GOLPH3L: variants seen among roughly 807,000 people sequenced by gnomAD.
GOLPH3L encodes the protein golgi phosphoprotein 3 like.
GOLPH3L carries 22 observed loss-of-function variants against 30.3 expected under a neutral mutation model. The ratio of observed to expected loss-of-function variants is 0.73; its 90% CI spans 0.52 to 1.04. The LOEUF is 1.04. Ranked by LOEUF, GOLPH3L falls within the 50% of genes least tolerant of loss-of-function variation. The pLI, the probability that GOLPH3L is intolerant of heterozygous loss-of-function variation, is 0.00. For missense variants in GOLPH3L, 303 were observed against 345.8 expected (o/e 0.88, Z 0.98); for synonymous variants, 120 against 128.2 (o/e 0.94, Z 0.43).
In GOLPH3L at chr1:150,674,228, AT is replaced by A. The variant is rs1650716266; in HGVS notation, c.184-10466del. ...GTTAATAAGAGCAAAATAAACTATC[AT>A]TAGAGTGAACAGGTAACCTACAGAG... is the stretch of plus-strand genomic sequence containing the variant. On this transcript the variant is annotated intron_variant, in intron 2 of 4. Transcript: ENST00000271732. 2.0e-5 allele frequency among the ~76,000 whole-genome samples: 3 copies of A among 151,748 alleles called. No homozygotes were observed. The South Asian group carries it at 6.2e-4, about 32-fold the overall frequency.
chr1:150,655,187 A>G lies in GOLPH3L; in HGVS notation c.431-6439T>C, dbSNP rs587632763. Among the ~76,000 whole-genome samples the G allele has an allele frequency of 2.0e-3, 304 of 152,340 alleles. 1 individual carries two copies. The highest frequency in any genetic ancestry group is 3.5e-3 in the Non-Finnish European group (239 of 68,030). On this transcript the variant is annotated intron_variant, in intron 4 of 4. Transcript: ENST00000271732. Reference sequence around the variant, plus strand: ...AGAAATTTAAAGGTTTGGTAGCTATAGGAGCAGACATTTCAATCATTTCTC... The same window carrying G: ...AGAAATTTAAAGGTTTGGTAGCTATGGGAGCAGACATTTCAATCATTTCTC...
At chr1:150,662,269 T>C (rs756924631) in intron 3 of GOLPH3L, among the ~76,000 whole-genome samples, 2 of 152,054 alleles carry the variant, frequency 1.3e-5, no homozygotes, top group African/African-American at 4.8e-5. Flanking sequence ...CTTAGCACTT[T>C]GGGAGGCTGA....
At chr1:150,662,627 GA>G (rs587608857) in intron 3 of GOLPH3L, among the ~76,000 whole-genome samples, 134 of 152,278 alleles carry the variant, frequency 8.8e-4, no homozygotes, top group African/African-American at 2.7e-3. Context: ...TGAAAGGACA[GA>G]AGATCACTCA....
intron 2 of GOLPH3L, among the ~76,000 whole-genome samples, chr1:150,692,164 A>G (rs144578813): frequency 6.6e-6 from 1 of 152,180 alleles, no homozygotes; most frequent in African/African-American, 2.4e-5. Flanking sequence ...TAAGAAAAAA[A>G]TAAGTACAGT....
intron 4 of GOLPH3L, among the ~76,000 whole-genome samples, chr1:150,653,455 C>CTTTT (rs71086589): frequency 1.6e-5 from 1 of 62,636 alleles, no homozygotes; most frequent in African/African-American, 5.7e-5. Context: ...TTGAAAGCAA[C>CTTTT]TTTTTTTTTT....
At chr1:150,654,512 A>C (rs913639748) in intron 4 of GOLPH3L, among the ~76,000 whole-genome samples, 2 of 152,256 alleles carry the variant, frequency 1.3e-5, no homozygotes, top group Admixed American at 6.5e-5. Context: ...CCGTTTAAAA[A>C]AAAAAAACAA....
At chr1:150,674,615 C>T (rs1001684499) in intron 2 of GOLPH3L, among the ~76,000 whole-genome samples, 1 of 151,878 alleles carries the variant, frequency 6.6e-6, no homozygotes, top group Admixed American at 6.6e-5. Context: ...TGGCTCCTAC[C>T]TATAATCCCA....
chr1:150,661,883 C>T lies in GOLPH3L; in HGVS notation c.361G>A (p.Glu121Lys). ...GTTGCTTTGATGTGTTTCAGAGTTT[C>T]ATCCAGTAAAACATCACCTGTTGGG... Reference protein sequence around the residue: ...DSPTGDVLLDETLKHIKATEP... With the variant: ...DSPTGDVLLDKTLKHIKATEP... Residue 121 changes from glutamate (E) to lysine (K), a missense_variant, in exon 4 of 5, where the codon GAA (glutamate) becomes AAA (lysine). By Grantham distance (56) the Glu-to-Lys change is moderately conservative (BLOSUM62 1). Transcript: ENST00000271732. The T allele has an allele frequency of 6.2e-7, 1 of 1,601,804 alleles. No individual in the cohort carries two copies. The highest frequency in any genetic ancestry group is 8.6e-7 in the Non-Finnish European group (1 of 1,168,708).
At chr1:150,662,491 C>G (rs1286798504) in intron 3 of GOLPH3L, among the ~76,000 whole-genome samples, 2 of 152,024 alleles carry the variant, frequency 1.3e-5, no homozygotes, top group Non-Finnish European at 2.9e-5. Context: ...TATGGGATAG[C>G]CAAGTTGAAA....
At chr1:150,650,740 G>T (rs888094496) in intron 4 of GOLPH3L, among the ~76,000 whole-genome samples, 6 of 152,194 alleles carry the variant, frequency 3.9e-5, no homozygotes, top group African/African-American at 1.4e-4. Context: ...AACCTGTCCT[G>T]GTGCCAGAAA....
At chr1:150,663,159 C>A (rs974140973) in intron 3 of GOLPH3L, among the ~76,000 whole-genome samples, 1 of 151,760 alleles carries the variant, frequency 6.6e-6, no homozygotes, top group East Asian at 1.9e-4. Flanking sequence ...TTCAGCCTCC[C>A]GAGTAGCTGT....
At chr1:150,685,361 G>A (rs1651056734) in intron 2 of GOLPH3L, among the ~76,000 whole-genome samples, 1 of 152,134 alleles carries the variant, frequency 6.6e-6, no homozygotes, top group South Asian at 2.1e-4. Flanking sequence ...TAACTCATAT[G>A]CCAAATATTA....
intron 2 of GOLPH3L, among the ~76,000 whole-genome samples, chr1:150,664,775 G>A (rs1650455966): frequency 6.6e-6 from 1 of 151,976 alleles, no homozygotes; most frequent in South Asian, 2.1e-4. Flanking sequence ...TTTGATGGGA[G>A]GTATAATAGA....
chr1:150,680,455 T>A (rs764673602), intron 2 of GOLPH3L, among the ~76,000 whole-genome samples: 3 of 152,156 alleles, frequency 2.0e-5, no homozygotes, highest in Non-Finnish European at 4.4e-5. Flanking sequence ...TATTTACTTT[T>A]TTTTCATCCT....
At chr1:150,682,025 C>G (rs1216165620) in intron 2 of GOLPH3L, among the ~76,000 whole-genome samples, 1 of 151,126 alleles carries the variant, frequency 6.6e-6, no homozygotes, top group Non-Finnish European at 1.5e-5. Context: ...GCAGGTACCA[C>G]GGCACTCCAG....
rs1252794780 is a variant in GOLPH3L at position 150,663,636 on chromosome 1, C to G, written c.311G>C (p.Arg104Thr). Residue 104 changes from arginine to threonine, a missense_variant, in exon 3 of 5, where the codon AGA becomes ACA. Arg to Thr is a moderately conservative substitution (Grantham distance 71). Transcript: ENST00000271732. ...PTMRKKRLLDRKVLLKSDSPT... is the reference protein window; with the variant it reads ...PTMRKKRLLDTKVLLKSDSPT... ...CGTTCACAGAGGATTCAGTACCTTT[C>G]TGTCTAGTAGTCGCTTCTTACGCAT... 1 of 1,611,612 alleles carries G rather than the reference C, an allele frequency of 6.2e-7. No individual in the cohort carries two copies. The highest frequency in any genetic ancestry group is 1.7e-5 in the Admixed American group (1 of 59,824).
At chr1:150,687,439 C>T (rs1315360880) in intron 2 of GOLPH3L, among the ~76,000 whole-genome samples, 1 of 151,870 alleles carries the variant, frequency 6.6e-6, no homozygotes, top group Non-Finnish European at 1.5e-5. Flanking sequence ...ATTAGCCGGG[C>T]GTGGTGGTGC....
chr1:150,672,592 A>G (rs1650672044), intron 2 of GOLPH3L, among the ~76,000 whole-genome samples: 1 of 151,984 alleles, frequency 6.6e-6, no homozygotes, highest in Admixed American at 6.6e-5. Flanking sequence ...CACCACATTC[A>G]GTTAATTTTT....
chr1:150,653,117 T>TA (rs1399631669), intron 4 of GOLPH3L, among the ~76,000 whole-genome samples: 4 of 89,246 alleles, frequency 4.5e-5, no homozygotes, highest in Admixed American at 1.2e-4. Context: ...AAACTTTGTC[T>TA]AAAAAAACAA....
Sources: gnomAD v4.1 joint callset for allele counts (sites outside exome capture counted in the v4.1 genomes callset) on GRCh38, gnomAD v4.1.1 for gene constraint, MANE v1.5 for transcripts, NCBI Gene and HGNC (gene_info 2026-07-23, HGNC 2026-07-21) for gene names.